PAAF1: variants seen among roughly 807,000 people sequenced by gnomAD.
PAAF1 encodes the protein proteasomal ATPase-associated factor 1.
In PAAF1, 46 loss-of-function variants were observed where a neutral mutation model predicts 52.8. That is an observed-to-expected ratio of 0.87 (90% CI 0.69 to 1.11). The LOEUF (loss-of-function observed/expected upper bound fraction) is 1.11, where lower values mean the gene tolerates loss of function less well. PAAF1 is among the 50% of genes most tolerant of loss of function. PAAF1 has a pLI of 0.00. For missense variants in PAAF1, 424 were observed against 477.4 expected, an observed-to-expected ratio of 0.89 and a Z score of 1.04; for synonymous variants, 178 against 172.8, an observed-to-expected ratio of 1.03 and a Z score of -0.24.
chr11:73,891,245 A>AATTTTTC (rs751344512), intron 4 of PAAF1, 44 bp downstream of exon 4: 1 of 1,148,032 alleles, frequency 8.7e-7, no homozygotes, highest in East Asian at 2.4e-5. Flanking sequence ...ATAGCATGTT[A>AATTTTTC]ATTTTTCATT....
At chr11:73,882,266 C>T (rs374027912) in intron 2 of PAAF1, among the ~76,000 whole-genome samples, 1 of 150,994 alleles carries the variant, frequency 6.6e-6, no homozygotes, top group African/African-American at 2.4e-5. Flanking sequence ...CGCTCCCTGG[C>T]CTCCCAAAGT....
intron 7 of PAAF1, among the ~76,000 whole-genome samples, chr11:73,912,095 C>T (rs1391787040): frequency 1.3e-5 from 2 of 152,014 alleles, no homozygotes; most frequent in Non-Finnish European, 2.9e-5. Context: ...TCATTGACTG[C>T]TACTTCTTAA....
intron 6 of PAAF1, among the ~76,000 whole-genome samples, chr11:73,903,448 G>A (rs747605466): frequency 6.6e-6 from 1 of 152,196 alleles, no homozygotes; most frequent in Non-Finnish European, 1.5e-5. Flanking sequence ...CGGGCACTGT[G>A]GCTCATGCCT....
At chr11:73,887,596 G>A (rs1252361985) in intron 3 of PAAF1, 139 bp downstream of exon 3, 4 of 523,592 alleles carry the variant, frequency 7.6e-6, no homozygotes, top group Non-Finnish European at 1.3e-5. Context: ...GTCTGTGAGT[G>A]TCATTGGTAT....
At chr11:73,886,165 G>A (rs1949051868) in intron 2 of PAAF1, among the ~76,000 whole-genome samples, 1 of 152,052 alleles carries the variant, frequency 6.6e-6, no homozygotes, top group Non-Finnish European at 1.5e-5. Context: ...ATTCTACTTA[G>A]GCAAATTTTA....
chr11:73,882,061 A>G lies in PAAF1; in HGVS notation c.88+3242A>G, dbSNP rs1591038776. On this transcript the variant is annotated intron_variant, in intron 2 of 11. Transcript: ENST00000310571. ...GGCTAATTTTGTATTTTTTTTTTTT[A>G]ATAGAGACAGAGTTTCTCCATGTTG... 2.7e-5 allele frequency among the ~76,000 whole-genome samples: 4 copies of G among 149,724 alleles called. No individual in the cohort carries two copies. The South Asian group carries it at 8.7e-4, about 32-fold the overall frequency.
At chr11:73,918,023 G>A (rs895432701) in intron 9 of PAAF1, among the ~76,000 whole-genome samples, 5 of 152,212 alleles carry the variant, frequency 3.3e-5, no homozygotes, top group African/African-American at 1.2e-4. Context: ...GGAGAGGGAA[G>A]GAGGTGAGAC....
chr11:73,897,132 C>G (rs537928363), intron 4 of PAAF1, among the ~76,000 whole-genome samples: 1 of 131,066 alleles, frequency 7.6e-6, no homozygotes, highest in Admixed American at 7.4e-5. Context: ...TAGGGGCGGC[C>G]GGGCAGAGGC....
At chr11:73,896,863 A>C (rs1389204373) in intron 4 of PAAF1, among the ~76,000 whole-genome samples, 1 of 150,826 alleles carries the variant, frequency 6.6e-6, no homozygotes. Flanking sequence ...CTCACTTCCC[A>C]GTAGGCGCGG....
intron 6 of PAAF1, among the ~76,000 whole-genome samples, chr11:73,900,939 G>A (rs1432136534): frequency 3.3e-5 from 4 of 121,154 alleles, no homozygotes; most frequent in South Asian, 5.7e-4. Context: ...CCGAGATCCC[G>A]CCACTGCACT....
At chr11:73,897,956 G>A (rs960941766) in intron 4 of PAAF1, among the ~76,000 whole-genome samples, 63 of 152,252 alleles carry the variant, frequency 4.1e-4, no homozygotes, top group African/African-American at 1.4e-3. Flanking sequence ...CGAGGCTGGC[G>A]GATCACTCAT....
At chr11:73,876,879 G>A, upstream of PAAF1, 1 of 818,228 alleles carries the variant, frequency 1.2e-6, no homozygotes, top group Non-Finnish European at 1.8e-6. Context: ...GCGTGCACAC[G>A]GAAGGGGCGG....
chr11:73,889,252 G>A, intron 3 of PAAF1: 1 of 1,355,654 alleles, frequency 7.4e-7, no homozygotes, highest in South Asian at 1.9e-5. Context: ...GACAGTAAGT[G>A]CTTATGGTTG....
intron 6 of PAAF1, among the ~76,000 whole-genome samples, chr11:73,902,944 T>C (rs1256707579): frequency 1.3e-5 from 2 of 152,204 alleles, no homozygotes; most frequent in African/African-American, 4.8e-5. Context: ...TGTGATCGCC[T>C]GCCGTGGCCT....
intron 6 of PAAF1, among the ~76,000 whole-genome samples, chr11:73,902,647 A>G (rs886922087): frequency 7.1e-6 from 1 of 141,212 alleles, no homozygotes; most frequent in Non-Finnish European, 1.5e-5. Flanking sequence ...CTCCCTAAGA[A>G]TATGTATGGA....
chr11:73,896,311 T>A lies in PAAF1; in HGVS notation c.283-2835T>A, dbSNP rs1330164361. Among the ~76,000 whole-genome samples, 233 of 151,514 alleles carry A rather than the reference T, an allele frequency of 1.5e-3. 1 individual carries two copies. The highest frequency in any genetic ancestry group is 4.6e-3 in the African/African-American group (190 of 41,342). The stretch of plus-strand genomic sequence containing the variant: ...TCTTTTTTTCTTTTTTATTTATTTT[T>A]TTTTTTATTGATCATTCTTGGGTGT... On this transcript the variant is annotated intron_variant, in intron 4 of 11. Transcript: ENST00000310571.
intron 4 of PAAF1, among the ~76,000 whole-genome samples, chr11:73,893,738 CAAAA>C (rs564348245): frequency 4.2e-5 from 3 of 71,968 alleles, no homozygotes; most frequent in African/African-American, 1.1e-4. Flanking sequence ...ACTCTGTCTC[CAAAA>C]AAAAAAAAAA....
intron 10 of PAAF1, among the ~76,000 whole-genome samples, chr11:73,920,764 A>G (rs1254086973): frequency 6.6e-6 from 1 of 151,904 alleles, no homozygotes; most frequent in Non-Finnish European, 1.5e-5. Context: ...AGGGAAGAGA[A>G]TCACTTGAAC....
chr11:73,909,816 T>C (rs990859264), intron 7 of PAAF1, among the ~76,000 whole-genome samples: 1 of 152,216 alleles, frequency 6.6e-6, no homozygotes, highest in Non-Finnish European at 1.5e-5. Flanking sequence ...TACAATCTAA[T>C]GTAGAAGATG....
Sources: gnomAD v4.1 joint callset for allele counts (sites outside exome capture counted in the v4.1 genomes callset) on GRCh38, gnomAD v4.1.1 for gene constraint, MANE v1.5 for transcripts, NCBI Gene and HGNC (gene_info 2026-07-23, HGNC 2026-07-21) for gene names.